Variants in FKTN observed in about 807,000 individuals in gnomAD.
FKTN encodes fukutin.
A neutral mutation model predicts 58.6 loss-of-function variants in FKTN; 47 were observed. That is an observed-to-expected ratio of 0.80 (90% CI 0.63 to 1.02). FKTN has a LOEUF of 1.02. Among genes scored for constraint, FKTN ranks in the 50% least tolerant of loss-of-function variants. FKTN has a pLI of 0.00. For missense variants in FKTN, 516 were observed against 537.3 expected (o/e 0.96, Z 0.39); for synonymous variants, 178 against 191.9 (o/e 0.93, Z 0.60).
At chr9:105,569,796 T>G (rs12336844) in intron 1 of FKTN, among the ~76,000 whole-genome samples, 7 of 152,088 alleles carry the variant, frequency 4.6e-5, no homozygotes, top group Admixed American at 4.6e-4. Flanking sequence ...CGTTACATCT[T>G]TTTTTTCCCT....
chr9:105,616,583 G>C (rs1444215756), intron 8 of FKTN, among the ~76,000 whole-genome samples: 1 of 152,034 alleles, frequency 6.6e-6, no homozygotes, highest in Non-Finnish European at 1.5e-5. Flanking sequence ...CTTAAATTTT[G>C]TTTTGTGTTT....
At chr9:105,570,127 A>G (rs948875104) in intron 1 of FKTN, among the ~76,000 whole-genome samples, 1 of 151,928 alleles carries the variant, frequency 6.6e-6, no homozygotes, top group African/African-American at 2.4e-5. Context: ...AGGGGCTTTA[A>G]ACTCTTTTAA....
intron 10 of FKTN, among the ~76,000 whole-genome samples, chr9:105,629,808 G>C (rs1285204969): frequency 6.6e-6 from 1 of 152,104 alleles, no homozygotes; most frequent in East Asian, 1.9e-4. Context: ...GTCCATCAAT[G>C]ATAGAATGGA....
At chr9:105,594,676 G>A (rs1216267160) in intron 3 of FKTN, among the ~76,000 whole-genome samples, 3 of 152,202 alleles carry the variant, frequency 2.0e-5, no homozygotes, top group Non-Finnish European at 4.4e-5. Flanking sequence ...AGTCTGGGAG[G>A]TTGAGGCTGC....
chr9:105,586,530 C>T (rs1164854439), intron 3 of FKTN, among the ~76,000 whole-genome samples: 1 of 152,178 alleles, frequency 6.6e-6, no homozygotes, highest in Admixed American at 6.5e-5. Context: ...ACTCGTCTTA[C>T]ACAGTGTACT....
chr9:105,586,233 A>G lies in FKTN; in HGVS notation c.106-10365A>G, dbSNP rs544332156. On this transcript the variant is annotated intron_variant, in intron 3 of 10. Coordinates refer to ENST00000357998, the MANE Select transcript of FKTN (RefSeq NM_001079802.2). ...TTAGCATTGAAGATAAAGAACTAGT[A>G]TATTATATTTATTGGGTCTACTAAA... 2.9e-4 allele frequency among the ~76,000 whole-genome samples: 44 copies of G among 152,312 alleles called. No homozygotes were observed. The East Asian group carries it at 8.3e-3, about 29-fold the overall frequency.
chr9:105,581,963 G>C (rs1843022497), intron 3 of FKTN, among the ~76,000 whole-genome samples: 1 of 152,196 alleles, frequency 6.6e-6, no homozygotes, highest in Non-Finnish European at 1.5e-5. Flanking sequence ...CTTTGACTCA[G>C]AAAGGGAACT....
intron 1 of FKTN, among the ~76,000 whole-genome samples, chr9:105,567,548 C>T (rs887354230): frequency 6.6e-6 from 1 of 152,122 alleles, no homozygotes. Context: ...ACAATTGCTT[C>T]AAAGAGAATA....
At chr9:105,616,604 T>A (rs1448293654) in intron 8 of FKTN, among the ~76,000 whole-genome samples, 2 of 152,118 alleles carry the variant, frequency 1.3e-5, no homozygotes, top group African/African-American at 4.8e-5. Context: ...ATTTGTTGTC[T>A]CTTGATTATC....
chr9:105,631,971 A>G (rs2133402632), intron 10 of FKTN, among the ~76,000 whole-genome samples: 1 of 150,234 alleles, frequency 6.7e-6, no homozygotes, highest in Admixed American at 6.6e-5. Flanking sequence ...ATGCACCCGT[A>G]TGTTTATTGC....
intron 8 of FKTN, among the ~76,000 whole-genome samples, 194 bp downstream of exon 8, chr9:105,615,601 TAGAA>T (rs1183093231): frequency 6.6e-6 from 1 of 152,166 alleles, no homozygotes; most frequent in Non-Finnish European, 1.5e-5. Flanking sequence ...AAAAGAATGT[TAGAA>T]AGGCCATGGT....
In FKTN at chr9:105,635,787, A is replaced by G. The variant is rs577208623; in HGVS notation, c.*523A>G. On this transcript the variant is annotated 3_prime_UTR_variant, in exon 11 of 11. Transcript: ENST00000357998. ...TTGAGTGACATCAAGAAAAGATGAT[A>G]TCAGGTTCATTTTTCAACTAATCTT... The G allele has an allele frequency of 7.2e-5, 72 of 1,002,666 alleles. No individual in the cohort carries two copies. The highest frequency in any genetic ancestry group is 8.3e-5 in the Non-Finnish European group (70 of 839,078). 62.1% of individuals were successfully genotyped at this position (1,002,666 alleles called of 1,614,324 possible). A position where few individuals can be genotyped will look rare whatever the true frequency, so the allele number is the denominator to read the frequency against.
At chr9:105,585,319 G>A (rs1249370667) in intron 3 of FKTN, among the ~76,000 whole-genome samples, 2 of 152,032 alleles carry the variant, frequency 1.3e-5, no homozygotes, top group East Asian at 1.9e-4. Flanking sequence ...TAGCTACTTG[G>A]GACACTGAGG....
rs550880400 is a variant in FKTN at position 105,563,601 on chromosome 9, G to T, written c.-181+5436G>T. On this transcript the variant is annotated intron_variant, in intron 1 of 10. Transcript: ENST00000357998. ...AACTGCAACGTGGCAGCGAGGCTGG[G>T]GGGGGGGGCACCCGCCATTGCTGAG... Among the ~76,000 whole-genome samples, 316 of 151,010 alleles carry T rather than the reference G, an allele frequency of 2.1e-3. 1 individual carries two copies. The highest frequency in any genetic ancestry group is 2.7e-3 in the African/African-American group (110 of 40,934).
intron 1 of FKTN, among the ~76,000 whole-genome samples, chr9:105,572,347 T>C (rs1048006848): frequency 6.6e-6 from 1 of 152,114 alleles, no homozygotes; most frequent in Non-Finnish European, 1.5e-5. Flanking sequence ...GGTAAAGACA[T>C]TTGTGCCCTA....
At position 105,615,134 on chromosome 9, in the gene FKTN, T is replaced by G. The variant is rs1358259695; in HGVS notation, c.781-144T>G. ...CCTGACCCCAAGTGATCCACCTGCCTTGGCTTCCCAAAGTTCTGGGGTTAC... is the reference window on the plus strand; with the variant it reads ...CCTGACCCCAAGTGATCCACCTGCCGTGGCTTCCCAAAGTTCTGGGGTTAC... On this transcript the variant is annotated intron_variant, in intron 7 of 10. Transcript: ENST00000357998. The G allele has an allele frequency of 4.9e-6, 4 of 822,368 alleles. No homozygotes were observed. In the African/African-American group the frequency reaches 6.8e-5, roughly 14 times the overall value. The allele number at this position is 822,368 out of a possible 1,614,324, so 50.9% of individuals were successfully genotyped here.
chr9:105,579,559 A>T (rs1366719461), intron 3 of FKTN, among the ~76,000 whole-genome samples: 3 of 151,168 alleles, frequency 2.0e-5, no homozygotes, highest in Non-Finnish European at 4.4e-5. Context: ...GTTCTTTTAC[A>T]TTTGCTGAGG....
At position 105,640,652 on chromosome 9, in the gene FKTN, G is replaced by A. The variant is rs578223513; in HGVS notation, c.*5388G>A. On this transcript the variant is annotated 3_prime_UTR_variant, in exon 11 of 11. Transcript: ENST00000357998. ...GCACCTTCTAACCCAACCTAATACA[G>A]AGATTTTGTAGGGACCCATTAACAA... 1 of 151,980 alleles carries A rather than the reference G, an allele frequency of 6.6e-6. No individual in the cohort carries two copies. Among genetic ancestry groups the A allele is most frequent in the Non-Finnish European group, 1.5e-5 (1 of 68,026 alleles). 9.4% of individuals were successfully genotyped at this position (151,980 alleles called of 1,614,324 possible).
intron 3 of FKTN, among the ~76,000 whole-genome samples, chr9:105,582,021 C>T (rs1197031363): frequency 3.9e-5 from 6 of 152,286 alleles, no homozygotes; most frequent in African/African-American, 7.2e-5. Context: ...CGCCCTGCTT[C>T]GGCTCGCGCA....
Sources: allele counts gnomAD v4.1 joint callset (sites outside exome capture counted in the v4.1 genomes callset), GRCh38; gene constraint gnomAD v4.1.1; transcripts MANE v1.5; gene names NCBI Gene and HGNC (gene_info 2026-07-23, HGNC 2026-07-21).